The following NDUFA10 variants were observed in gnomAD, a reference collection of about 807,000 sequenced individuals.
NDUFA10 encodes the protein NADH dehydrogenase [ubiquinone] 1 alpha subcomplex subunit 10, mitochondrial.
In NDUFA10, 40 loss-of-function variants were observed where a neutral mutation model predicts 47.8. The observed-to-expected ratio is 0.84, with a 90% confidence interval of 0.65 to 1.09. NDUFA10 has a LOEUF of 1.09. Among genes scored for constraint, NDUFA10 ranks in the 50% least tolerant of loss-of-function variants. NDUFA10 has a pLI of 0.00. For synonymous variants in NDUFA10, 183 were observed against 172.2 expected (o/e 1.06, Z -0.49); for missense variants, 413 against 451.1 (o/e 0.92, Z 0.76).
chr2:239,911,079 C>T (rs1693745361), intron 4 of NDUFA10, among the ~76,000 whole-genome samples: 1 of 152,228 alleles, frequency 6.6e-6, no homozygotes, highest in African/African-American at 2.4e-5. Flanking sequence ...GCAGAGGGCA[C>T]TCAGCCGTAG....
intron 3 of NDUFA10, among the ~76,000 whole-genome samples, chr2:240,018,841 T>C (rs1454943043): frequency 1.3e-5 from 2 of 152,190 alleles, no homozygotes; most frequent in Non-Finnish European, 2.9e-5. Flanking sequence ...TTGAGCAATA[T>C]AACATCGTTT....
At chr2:239,907,928 C>T (rs562577619) in intron 4 of NDUFA10, among the ~76,000 whole-genome samples, 42 of 152,280 alleles carry the variant, frequency 2.8e-4, no homozygotes, top group African/African-American at 9.9e-4. Flanking sequence ...AATCGTGCTG[C>T]TATAAAGACA....
chr2:239,960,343 G>A lies in NDUFA10; in HGVS notation c.*775C>T. On this transcript the variant is annotated 3_prime_UTR_variant, in exon 10 of 10. Transcript: ENST00000252711. The stretch of plus-strand genomic sequence containing the variant: ...ATCTGATTTTCTTTCTCATTTCTCA[G>A]TTTTGACTGGCAACTTGATTTTCTG... 1.0e-6 allele frequency: 1 copy of A among 985,526 alleles called. No homozygotes were observed. The allele number at this position is 985,526 out of a possible 1,614,324, so 61.0% of individuals were successfully genotyped here.
At chr2:239,951,969 T>C (rs999946001) in intron 4 of NDUFA10, among the ~76,000 whole-genome samples, 9 of 152,314 alleles carry the variant, frequency 5.9e-5, no homozygotes, top group African/African-American at 1.9e-4. Context: ...GCATGCCCTT[T>C]GGTCTCTTTC....
intron 7 of NDUFA10, 119 bp from the exon 8 acceptor site, chr2:240,005,414 T>C (rs1696912696): frequency 2.5e-6 from 2 of 788,316 alleles, no homozygotes; most frequent in Middle Eastern, 2.5e-4. Context: ...AGTGGCACAA[T>C]CACAGCACAC....
Position 239,960,756 on chromosome 2 carries a change from T to G in NDUFA10, c.*362A>C. 5 of 1,205,110 alleles carry G rather than the reference T, an allele frequency of 4.1e-6. No individual in the cohort carries two copies. Among genetic ancestry groups the G allele is most frequent in the Non-Finnish European group, 5.2e-6 (5 of 953,800 alleles). The allele number at this position is 1,205,110 out of a possible 1,614,324, so 74.7% of individuals were successfully genotyped here. ...TGGGGAAATTCCCATGGAAACACTTTTATTTCTGGAAGTCAGAAGAAAAAC... is the reference window on the plus strand; with the variant it reads ...TGGGGAAATTCCCATGGAAACACTTGTATTTCTGGAAGTCAGAAGAAAAAC... On this transcript the variant is annotated 3_prime_UTR_variant, in exon 10 of 10. Coordinates refer to ENST00000252711, the MANE Select transcript of NDUFA10 (RefSeq NM_004544.4).
intron 4 of NDUFA10, chr2:239,895,365 C>A: frequency 2.5e-6 from 1 of 406,136 alleles, no homozygotes; most frequent in South Asian, 1.8e-5. Flanking sequence ...AGGAGGGGAG[C>A]CCGAGCTCTG....
intron 9 of NDUFA10, among the ~76,000 whole-genome samples, chr2:239,977,734 G>C (rs1317282858): frequency 1.3e-5 from 2 of 152,342 alleles, no homozygotes; most frequent in East Asian, 3.9e-4. Context: ...GTCTGGAACT[G>C]GCCCTGTGAT....
intron 1 of NDUFA10, 66 bp downstream of exon 1, chr2:240,025,161 T>A: frequency 1.4e-6 from 1 of 739,958 alleles, no homozygotes; most frequent in Non-Finnish European, 2.0e-6. Context: ...GATGTGGAAC[T>A]GCTCCCCACC....
Position 239,960,252 on chromosome 2 carries a change from A to C in NDUFA10, c.*866T>G. 1.0e-6 allele frequency: 1 copy of C among 985,600 alleles called. No homozygotes were observed. The highest frequency in any genetic ancestry group is 1.2e-6 in the Non-Finnish European group (1 of 830,064). The allele number at this position is 985,600 out of a possible 1,614,324, so 61.1% of individuals were successfully genotyped here. A position where few individuals can be genotyped will look rare whatever the true frequency, so the allele number is the denominator to read the frequency against. On this transcript the variant is annotated 3_prime_UTR_variant, in exon 10 of 10. Transcript: ENST00000252711. ...TCACAACTGACAGCTTGATTCCTAA[A>C]CCATGATGCTGAACCACAACCAGCT...
chr2:239,952,140 A>C (rs1438868521), intron 4 of NDUFA10, among the ~76,000 whole-genome samples: 1 of 152,038 alleles, frequency 6.6e-6, no homozygotes, highest in Non-Finnish European at 1.5e-5. Flanking sequence ...CAGAGGGCAG[A>C]CAGCCTGGCT....
intron 8 of NDUFA10, among the ~76,000 whole-genome samples, chr2:239,999,723 C>G (rs980449102): frequency 1.1e-4 from 17 of 152,244 alleles, no homozygotes; most frequent in African/African-American, 4.1e-4. Flanking sequence ...AGGAACCTGA[C>G]AGCTGCAGCT....
chr2:239,966,090 T>G (rs1387534372), intron 9 of NDUFA10, among the ~76,000 whole-genome samples: 1 of 152,176 alleles, frequency 6.6e-6, no homozygotes, highest in Non-Finnish European at 1.5e-5. Flanking sequence ...TAAGCTGCCC[T>G]CCACCCATGA....
chr2:239,935,230 C>T (rs1559294687), intron 4 of NDUFA10, among the ~76,000 whole-genome samples: 1 of 152,242 alleles, frequency 6.6e-6, no homozygotes, highest in East Asian at 1.9e-4. Context: ...TTCCCCCAGT[C>T]CCTGCCTGCC....
intron 4 of NDUFA10, chr2:240,017,831 T>C (rs1291737002): frequency 6.4e-7 from 1 of 1,563,206 alleles, no homozygotes; most frequent in East Asian, 2.4e-5. Context: ...TGCTTCGGCC[T>C]CCTCTTTCAT....
chr2:239,999,101 A>C (rs2106459549), intron 8 of NDUFA10, among the ~76,000 whole-genome samples: 1 of 152,228 alleles, frequency 6.6e-6, no homozygotes, highest in Admixed American at 6.5e-5. Flanking sequence ...TCACCACAGA[A>C]GCGGGGACTC....
At chr2:239,953,143 C>T (rs1049183683), downstream of NDUFA10, among the ~76,000 whole-genome samples, 3 of 152,192 alleles carry the variant, frequency 2.0e-5, no homozygotes, top group African/African-American at 7.2e-5. Context: ...GGTTGAAGAT[C>T]TTGATGGGGG....
rs937586849 is a variant in NDUFA10, at chr2:239,945,644, G to A, written c.294+44430C>T. On this transcript the variant is annotated intron_variant, in intron 4 of 5. Transcript: ENST00000419408. The surrounding 1 kb of genome is among the most constrained non-coding windows in gnomAD (Gnocchi z 4.6). Reference sequence around the variant, plus strand: ...GAACAGTTTTCTCACGGAATGGATCGATTGGCCCTGGGATGAAAACCAGCA... The same window carrying A: ...GAACAGTTTTCTCACGGAATGGATCAATTGGCCCTGGGATGAAAACCAGCA... Among the ~76,000 whole-genome samples, 9 of 152,346 alleles carry A rather than the reference G, an allele frequency of 5.9e-5. No individual in the cohort carries two copies. The highest frequency in any genetic ancestry group is 9.6e-5 in the African/African-American group (4 of 41,586).
At chr2:240,004,957 A>C (rs188246619) in intron 8 of NDUFA10, among the ~76,000 whole-genome samples, 2 of 152,316 alleles carry the variant, frequency 1.3e-5, no homozygotes, top group African/African-American at 2.4e-5. Context: ...TTTATCTGAC[A>C]CTATATCTCT....
Sources: allele counts gnomAD v4.1 joint callset (sites outside exome capture counted in the v4.1 genomes callset), GRCh38; gene constraint gnomAD v4.1.1; non-coding constraint Gnocchi (gnomAD v3.1); transcripts MANE v1.5; gene names NCBI Gene and HGNC (gene_info 2026-07-23, HGNC 2026-07-21).